SHC3: variants seen among roughly 807,000 people sequenced by gnomAD.
SHC3 encodes the protein SHC-transforming protein 3.
A neutral mutation model predicts 60.4 loss-of-function variants in SHC3; 15 were observed. The observed-to-expected ratio is 0.25, with a 90% CI of 0.17 to 0.38. The LOEUF is 0.38. SHC3 is among the 10% of genes least tolerant of loss of function. The pLI is 1.00. For synonymous variants in SHC3, 294 were observed against 325.9 expected, an observed-to-expected ratio of 0.90 and a Z score of 1.05; for missense variants, 677 against 786.1, an observed-to-expected ratio of 0.86 and a Z score of 1.66.
rs191797702 is a variant in SHC3, at chr9:89,024,570, C to T, written c.1657-10995G>A. Reference sequence around the variant, plus strand: ...GACACTCCTTATAGGAAGTTACTGACCTCTCTGTAAGATGGCTATCGCGAG... The same window carrying T: ...GACACTCCTTATAGGAAGTTACTGATCTCTCTGTAAGATGGCTATCGCGAG... On this transcript the variant is annotated intron_variant, in intron 11 of 11. Coordinates refer to ENST00000375835, the MANE Select transcript of SHC3 (RefSeq NM_016848.6). 6.8e-3 allele frequency among the ~76,000 whole-genome samples: 1,040 copies of T among 152,374 alleles called. 38 individuals carry two copies. The highest frequency in any genetic ancestry group is 0.06 in the Admixed American group (918 of 15,304).
intron 1 of SHC3, among the ~76,000 whole-genome samples, chr9:89,129,559 T>C (rs1193756406): frequency 1.3e-5 from 2 of 152,200 alleles, no homozygotes; most frequent in Non-Finnish European, 2.9e-5. Context: ...AGCAGATCTC[T>C]CGGCAGAAAC....
chr9:89,019,364 CTG>C (rs1826160302), intron 11 of SHC3, among the ~76,000 whole-genome samples: 1 of 152,114 alleles, frequency 6.6e-6, no homozygotes, highest in African/African-American at 2.4e-5. Flanking sequence ...ACACTTGACT[CTG>C]TGTGGCCTGT....
Position 89,139,201 on chromosome 9 carries a change from G to A in SHC3, c.475-26575C>T, listed in dbSNP as rs554980963. Among the ~76,000 whole-genome samples, 3 of 152,282 alleles carry A rather than the reference G, an allele frequency of 2.0e-5. No homozygotes were observed. The East Asian group carries it at 5.8e-4, about 29-fold the overall frequency. Reference sequence around the variant, plus strand: ...TCCCTCTTATTTCTTCTGAGCAGCAGTCAGAGATTGCTGGTTGGTTCACAG... The same window carrying A: ...TCCCTCTTATTTCTTCTGAGCAGCAATCAGAGATTGCTGGTTGGTTCACAG... On this transcript the variant is annotated intron_variant, in intron 1 of 11. Coordinates refer to ENST00000375835, the MANE Select transcript of SHC3 (RefSeq NM_016848.6).
intron 1 of SHC3, among the ~76,000 whole-genome samples, chr9:89,152,007 CAAT>C (rs2118219443): frequency 6.6e-6 from 1 of 152,338 alleles, no homozygotes; most frequent in Admixed American, 6.5e-5. Context: ...TCTGGATTTG[CAAT>C]AATGTTTGAT....
intron 11 of SHC3, among the ~76,000 whole-genome samples, chr9:89,032,128 C>G (rs1430583482): frequency 6.6e-6 from 1 of 152,152 alleles, no homozygotes; most frequent in African/African-American, 2.4e-5. Context: ...GGGGACTGAG[C>G]TCTGCTGGGT....
intron 11 of SHC3, among the ~76,000 whole-genome samples, chr9:89,034,245 T>TCGG: frequency 6.6e-6 from 1 of 152,256 alleles, no homozygotes; most frequent in African/African-American, 2.4e-5. Context: ...AGAGATTTTC[T>TCGG]TTTTAAACAG....
At chr9:89,126,087 G>C (rs1826160407) in intron 1 of SHC3, among the ~76,000 whole-genome samples, 1 of 152,152 alleles carries the variant, frequency 6.6e-6, no homozygotes, top group South Asian at 2.1e-4. Context: ...CCATGGAAGA[G>C]ACTATACTAA....
At chr9:89,055,180 G>T (rs1374095959) in intron 6 of SHC3, among the ~76,000 whole-genome samples, 3 of 152,236 alleles carry the variant, frequency 2.0e-5, no homozygotes, top group African/African-American at 7.2e-5. Flanking sequence ...GGTTAACAGT[G>T]GTGAATGAGA....
intron 1 of SHC3, among the ~76,000 whole-genome samples, chr9:89,171,062 C>T (rs1030381928): frequency 9.9e-5 from 15 of 152,060 alleles, no homozygotes; most frequent in Non-Finnish European, 2.9e-5. Flanking sequence ...GCTGTGTCTT[C>T]CAGGCAAAGA....
At chr9:89,132,809 G>A (rs1484148472) in intron 1 of SHC3, among the ~76,000 whole-genome samples, 1 of 152,092 alleles carries the variant, frequency 6.6e-6, no homozygotes, top group African/African-American at 2.4e-5. Context: ...AAAAACCCTA[G>A]AAGAAAACCT....
chr9:89,099,435 C>A (rs978204403), intron 2 of SHC3, among the ~76,000 whole-genome samples: 3 of 152,156 alleles, frequency 2.0e-5, no homozygotes, highest in African/African-American at 4.8e-5. Flanking sequence ...GAATATCATC[C>A]TCTGAGCCAT....
intron 1 of SHC3, among the ~76,000 whole-genome samples, chr9:89,126,976 G>A (rs1826173963): frequency 6.6e-6 from 1 of 152,136 alleles, no homozygotes; most frequent in African/African-American, 2.4e-5. Context: ...CCAGGGAACA[G>A]GAATTTTGGA....
At chr9:89,108,014 C>T (rs1240206453) in intron 2 of SHC3, among the ~76,000 whole-genome samples, 1 of 152,186 alleles carries the variant, frequency 6.6e-6, no homozygotes, top group Non-Finnish European at 1.5e-5. Flanking sequence ...CTTTTCTATG[C>T]TCGCATATGA....
intron 10 of SHC3, among the ~76,000 whole-genome samples, chr9:89,039,930 G>A (rs1824647132): frequency 6.9e-6 from 1 of 144,820 alleles, no homozygotes; most frequent in Non-Finnish European, 1.5e-5. Flanking sequence ...GCAGCAACAG[G>A]AGCGGCAGCA....
chr9:89,087,644 T>C (rs1443551929), intron 2 of SHC3, among the ~76,000 whole-genome samples: 2 of 152,230 alleles, frequency 1.3e-5, no homozygotes, highest in African/African-American at 4.8e-5. Context: ...CAGATTACTA[T>C]TATTATATAC....
intron 5 of SHC3, among the ~76,000 whole-genome samples, chr9:89,067,179 G>T (rs888301380): frequency 6.6e-6 from 1 of 152,228 alleles, no homozygotes; most frequent in Non-Finnish European, 1.5e-5. Flanking sequence ...GGAGGATCCA[G>T]TCAGAATCTG....
At chr9:89,175,730 A>AGTC (rs1353258112) in intron 1 of SHC3, among the ~76,000 whole-genome samples, 17 of 152,228 alleles carry the variant, frequency 1.1e-4, no homozygotes, top group African/African-American at 3.9e-4. Flanking sequence ...ATTGGTATCT[A>AGTC]GTCATATGAT....
chr9:89,040,162 CCAT>C (rs775941689), intron 10 of SHC3, among the ~76,000 whole-genome samples: 32 of 26,536 alleles, frequency 1.2e-3, no homozygotes, highest in South Asian at 5.0e-3. Context: ...ATCATCATCA[CCAT>C]CATCATCACT....
chr9:89,163,622 A>T (rs1184421356), intron 1 of SHC3, among the ~76,000 whole-genome samples: 2 of 145,232 alleles, frequency 1.4e-5, no homozygotes, highest in Non-Finnish European at 3.0e-5. Flanking sequence ...GAGGGATAGC[A>T]TCGGGAGATA....
Sources: allele counts gnomAD v4.1 joint callset (sites outside exome capture counted in the v4.1 genomes callset), GRCh38; gene constraint gnomAD v4.1.1; transcripts MANE v1.5; gene names NCBI Gene and HGNC (gene_info 2026-07-23, HGNC 2026-07-21).